DNAH7: variants seen among roughly 807,000 people sequenced by gnomAD.
DNAH7 encodes the protein dynein axonemal heavy chain 7.
In DNAH7, 397 loss-of-function variants were observed where a neutral mutation model predicts 444.6. That is an observed-to-expected ratio of 0.89 (90% confidence interval 0.82 to 0.97). The LOEUF is 0.97. Ranked by LOEUF, DNAH7 falls within the 50% of genes least tolerant of loss-of-function variation. The pLI is 0.00. For synonymous variants in DNAH7, 1,636 were observed against 1,624.4 expected, an observed-to-expected ratio of 1.01 and a Z score of -0.17; for missense variants, 4,902 against 4,800.8, an observed-to-expected ratio of 1.02 and a Z score of -0.62.
At position 195,915,610 on chromosome 2, in the gene DNAH7, CTT is replaced by C. The variant is rs573796880; in HGVS notation, c.3936-5417_3936-5416del. 3.0e-3 allele frequency among the ~76,000 whole-genome samples: 463 copies of C among 152,234 alleles called. 3 individuals carry two copies. The highest frequency in any genetic ancestry group is 0.011 in the African/African-American group (443 of 41,546). On this transcript the variant is annotated intron_variant, in intron 24 of 64. Transcript: ENST00000312428. ...GACTATATCAGCCATATGAAGGAAA[CTT>C]ATATCAAAACTTCTAATTTCTCACT... is the stretch of plus-strand genomic sequence containing the variant.
chr2:195,835,133 T>C (rs989212335), intron 47 of DNAH7, among the ~76,000 whole-genome samples: 2 of 152,200 alleles, frequency 1.3e-5, no homozygotes, highest in African/African-American at 2.4e-5. Flanking sequence ...TTCCACCTTG[T>C]GTGAAATGTA....
intron 57 of DNAH7, among the ~76,000 whole-genome samples, chr2:195,788,240 G>A (rs74550861): frequency 0.032 from 4,837 of 152,234 alleles, 268 homozygotes; most frequent in East Asian, 0.26. Flanking sequence ...CACACTTGGA[G>A]CTGAGCAGTC....
chr2:196,062,929 G>C (rs7588353), intron 1 of DNAH7, among the ~76,000 whole-genome samples: 144,762 of 152,304 alleles, frequency 0.95, 69,225 homozygotes, highest in East Asian at 1. Context: ...ATCACCCAGG[G>C]TGTAGTGCAG....
In DNAH7 at chr2:195,955,681, T is replaced by C. The variant is rs552853141; in HGVS notation, c.3078+1580A>G. Among the ~76,000 whole-genome samples the C allele has an allele frequency of 1.6e-3, 240 of 152,330 alleles. 1 individual carries two copies. The highest frequency in any genetic ancestry group is 5.3e-3 in the African/African-American group (220 of 41,584). ...TGCCCTTTCAAGGAACTGAGATATC[T>C]ATAAAATTTCTTGGCAATATGGAAT... On this transcript the variant is annotated intron_variant, in intron 19 of 64. Transcript: ENST00000312428.
At chr2:195,990,155 C>T (rs1012626707) in intron 12 of DNAH7, among the ~76,000 whole-genome samples, 3 of 152,158 alleles carry the variant, frequency 2.0e-5, no homozygotes, top group African/African-American at 7.2e-5. Context: ...TTGTCCAGAT[C>T]AATGTCATAA....
At chr2:196,022,942 T>C (rs1695466187) in intron 8 of DNAH7, among the ~76,000 whole-genome samples, 2 of 152,208 alleles carry the variant, frequency 1.3e-5, no homozygotes, top group Non-Finnish European at 2.9e-5. Flanking sequence ...ATTTGTTACA[T>C]GGGTATATTG....
chr2:196,059,457 G>GCA (rs901808560), intron 1 of DNAH7, among the ~76,000 whole-genome samples: 21 of 152,200 alleles, frequency 1.4e-4, no homozygotes, highest in African/African-American at 5.1e-4. Flanking sequence ...CCTCCTTTGG[G>GCA]ATATGTCACA....
chr2:195,893,842 C>T (rs985031851), intron 30 of DNAH7: 4 of 152,144 alleles, frequency 2.6e-5, no homozygotes, highest in African/African-American at 4.8e-5. Context: ...CTCATATCTT[C>T]ATCTCCTTCT....
intron 3 of DNAH7, among the ~76,000 whole-genome samples, chr2:196,050,302 G>GAGACAAGA (rs1340256229): frequency 1.3e-5 from 2 of 152,014 alleles, no homozygotes; most frequent in African/African-American, 4.8e-5. Flanking sequence ...CAAATACATA[G>GAGACAAGA]AGACAAGAAG....
intron 7 of DNAH7, 71 bp downstream of exon 7, chr2:196,026,688 AT>A: frequency 9.6e-7 from 1 of 1,041,192 alleles, no homozygotes; most frequent in Non-Finnish European, 1.4e-6. Flanking sequence ...AAGTATAGGT[AT>A]TATTAATACA....
At chr2:195,950,851 CAA>C (rs67782183) in intron 19 of DNAH7, among the ~76,000 whole-genome samples, 847 of 36,576 alleles carry the variant, frequency 0.023, 5 homozygotes, top group African/African-American at 0.062. Flanking sequence ...GACTCTGTCT[CAA>C]AAAAAAAAAA....
chr2:195,861,514 T>G (rs1445727991), intron 42 of DNAH7, among the ~76,000 whole-genome samples: 1 of 152,196 alleles, frequency 6.6e-6, no homozygotes, highest in African/African-American at 2.4e-5. Context: ...GCATCTATGA[T>G]GTGCTAGGCA....
At chr2:195,892,707 A>G (rs534345095) in intron 30 of DNAH7, 3 of 152,170 alleles carry the variant, frequency 2.0e-5, no homozygotes, top group South Asian at 4.1e-4. Context: ...TTTGTGTTGC[A>G]TAATTATATG....
chr2:195,938,519 A>G (rs1379481549), intron 19 of DNAH7, among the ~76,000 whole-genome samples: 1 of 146,190 alleles, frequency 6.8e-6, no homozygotes, highest in African/African-American at 2.6e-5. Flanking sequence ...TGGCTAATAA[A>G]TGTAAAAAAC....
intron 15 of DNAH7, among the ~76,000 whole-genome samples, chr2:195,983,340 T>G (rs1478129664): frequency 6.6e-6 from 1 of 152,068 alleles, no homozygotes; most frequent in Non-Finnish European, 1.5e-5. Flanking sequence ...GAAAATAGGT[T>G]TTTTGGCTGA....
intron 25 of DNAH7, among the ~76,000 whole-genome samples, chr2:195,909,162 C>T (rs1343603056): frequency 6.6e-6 from 1 of 152,000 alleles, no homozygotes; most frequent in Non-Finnish European, 1.5e-5. Context: ...ACAAAATTAT[C>T]TGTACACCAG....
intron 31 of DNAH7, among the ~76,000 whole-genome samples, chr2:195,890,054 T>C (rs187549164): frequency 4.1e-4 from 63 of 152,352 alleles, no homozygotes; most frequent in African/African-American, 1.5e-3. Flanking sequence ...CACCAATGAT[T>C]CCTTGCTTTT....
intron 51 of DNAH7, among the ~76,000 whole-genome samples, chr2:195,814,238 T>C (rs1002907061): frequency 4.6e-5 from 7 of 152,226 alleles, no homozygotes; most frequent in African/African-American, 1.7e-4. Context: ...TCTATTTACC[T>C]TTTGGTTCCA....
chr2:195,801,377 C>T (rs73986947), intron 54 of DNAH7, among the ~76,000 whole-genome samples: 9,603 of 151,722 alleles, frequency 0.063, 425 homozygotes, highest in African/African-American at 0.13. Flanking sequence ...GAATAGATTC[C>T]CCCTTCACAG....
Sources: gnomAD v4.1 joint callset for allele counts (sites outside exome capture counted in the v4.1 genomes callset) on GRCh38, gnomAD v4.1.1 for gene constraint, MANE v1.5 for transcripts, NCBI Gene and HGNC (gene_info 2026-07-23, HGNC 2026-07-21) for gene names.